The following CHODL variants were observed in gnomAD, a reference collection of about 807,000 sequenced individuals.
CHODL encodes transmembrane protein MT75.
A neutral mutation model predicts 34.5 loss-of-function variants in CHODL; 29 were observed. The observed-to-expected ratio is 0.84, with a 90% CI of 0.63 to 1.15. The LOEUF (loss-of-function observed/expected upper bound fraction) is 1.15, where lower values mean the gene tolerates loss of function less well. Among genes scored for constraint, CHODL ranks in the 50% most tolerant of loss-of-function variants. CHODL has a pLI of 0.00. For synonymous variants in CHODL, 125 were observed against 116.1 expected, an observed-to-expected ratio of 1.08 and a Z score of -0.49; for missense variants, 332 against 332.5, an observed-to-expected ratio of 1.00 and a Z score of 0.01.
chr21:18,045,751 T>C (rs930958593), intron 2 of CHODL, among the ~76,000 whole-genome samples: 1 of 151,944 alleles, frequency 6.6e-6, no homozygotes, highest in East Asian at 1.9e-4. Flanking sequence ...AGAGCACTTA[T>C]GAATGAACTA....
intron 1 of CHODL, among the ~76,000 whole-genome samples, chr21:18,248,525 T>C (rs1050400984): frequency 6.8e-6 from 1 of 146,384 alleles, no homozygotes; most frequent in Non-Finnish European, 1.5e-5. Context: ...TTTTGTTTTA[T>C]AACTCTTTCC....
intron 2 of CHODL, among the ~76,000 whole-genome samples, chr21:18,168,472 C>T (rs1425456223): frequency 6.6e-6 from 1 of 152,152 alleles, no homozygotes; most frequent in Non-Finnish European, 1.5e-5. Context: ...CATTCTAGTG[C>T]ATGTGAAGTG....
At chr21:18,184,387 G>A (rs1601118209) in intron 2 of CHODL, among the ~76,000 whole-genome samples, 1 of 152,044 alleles carries the variant, frequency 6.6e-6, no homozygotes, top group Non-Finnish European at 1.5e-5. Context: ...AGACTGATGA[G>A]GAATTTGAGA....
At chr21:18,015,045 T>C (rs1208938176) in intron 1 of CHODL, among the ~76,000 whole-genome samples, 2 of 152,168 alleles carry the variant, frequency 1.3e-5, no homozygotes, top group Non-Finnish European at 2.9e-5. Context: ...TCTTAGAGAC[T>C]GGTTAAATCG....
intron 1 of CHODL, among the ~76,000 whole-genome samples, chr21:18,003,244 G>A (rs1456660140): frequency 2.0e-5 from 3 of 151,540 alleles, no homozygotes; most frequent in Non-Finnish European, 4.4e-5. Context: ...TTGCTGCTCA[G>A]TACATGTCAA....
intron 2 of CHODL, among the ~76,000 whole-genome samples, chr21:18,126,366 G>C (rs1264324194): frequency 6.6e-6 from 1 of 152,148 alleles, no homozygotes; most frequent in Non-Finnish European, 1.5e-5. Flanking sequence ...ATAGACTATA[G>C]TGTACTGTAA....
At chr21:18,032,199 A>G (rs2064255654) in intron 2 of CHODL, among the ~76,000 whole-genome samples, 1 of 152,120 alleles carries the variant, frequency 6.6e-6, no homozygotes, top group Non-Finnish European at 1.5e-5. Flanking sequence ...GAAAATTGCT[A>G]GGAGAGTAGA....
At chr21:17,940,702 G>A (rs2103479) in intron 1 of CHODL, among the ~76,000 whole-genome samples, 47,906 of 152,028 alleles carry the variant, frequency 0.32, 7,725 homozygotes, top group South Asian at 0.44. Context: ...AAAAGAATGC[G>A]TAGCATGGTG....
intron 2 of CHODL, among the ~76,000 whole-genome samples, chr21:18,122,162 G>C (rs1441114461): frequency 6.6e-6 from 1 of 151,856 alleles, no homozygotes; most frequent in East Asian, 1.9e-4. Context: ...AGGCCTAAGT[G>C]ATTCCAGTTG....
chr21:18,010,677 G>GA (rs543403735), intron 1 of CHODL, among the ~76,000 whole-genome samples: 7 of 151,844 alleles, frequency 4.6e-5, no homozygotes, highest in Admixed American at 6.6e-5. Flanking sequence ...GTTATAACTA[G>GA]AAAAAAAATG....
At chr21:18,123,233 G>A (rs764796862) in intron 2 of CHODL, among the ~76,000 whole-genome samples, 11 of 152,124 alleles carry the variant, frequency 7.2e-5, no homozygotes, top group Admixed American at 1.3e-4. Flanking sequence ...TAAAAGTAAA[G>A]CCCAATATTA....
At chr21:18,204,472 AT>A (rs1477673351) in intron 2 of CHODL, among the ~76,000 whole-genome samples, 1 of 152,180 alleles carries the variant, frequency 6.6e-6, no homozygotes, top group African/African-American at 2.4e-5. Context: ...ATGGATGCTT[AT>A]CTCTAGGTCA....
intron 1 of CHODL, among the ~76,000 whole-genome samples, chr21:18,017,171 T>C (rs2064083133): frequency 6.6e-6 from 1 of 152,126 alleles, no homozygotes; most frequent in South Asian, 2.1e-4. Context: ...TGTTTTGAAA[T>C]GTGAGAAGGC....
intron 1 of CHODL, among the ~76,000 whole-genome samples, chr21:17,970,026 A>T (rs1245532035): frequency 3.3e-5 from 5 of 152,182 alleles, no homozygotes; most frequent in Non-Finnish European, 5.9e-5. Flanking sequence ...CCTGATTGAC[A>T]GGTGACATCT....
chr21:17,980,179 CT>C (rs2063702916), intron 1 of CHODL, among the ~76,000 whole-genome samples: 1 of 151,040 alleles, frequency 6.6e-6, no homozygotes, highest in South Asian at 2.1e-4. Flanking sequence ...TGGAAGACAG[CT>C]GTTTTAATGT....
At chr21:18,144,528 A>T (rs1249350674) in intron 2 of CHODL, among the ~76,000 whole-genome samples, 2 of 152,170 alleles carry the variant, frequency 1.3e-5, no homozygotes, top group African/African-American at 4.8e-5. Context: ...AAGCAATTTC[A>T]GTAAGTGCTT....
At position 17,966,971 on chromosome 21, in the gene CHODL, C is replaced by T. The variant is rs372394664; in HGVS notation, c.-145+49571C>T. Among the ~76,000 whole-genome samples the T allele has an allele frequency of 6.6e-5, 10 of 151,858 alleles. 1 individual carries two copies. The highest frequency in any genetic ancestry group is 1.3e-4 in the Admixed American group (2 of 15,256). On this transcript the variant is annotated intron_variant, in intron 1 of 6. Coordinates refer to the CHODL transcript ENST00000400127. ...CGCGATCTTGGCTCCCTGCAACCTC[C>T]GCATCCGGGTTCAAGTGATTCTTCT...
intron 1 of CHODL, among the ~76,000 whole-genome samples, chr21:17,988,969 G>A (rs1229559289): frequency 7.2e-5 from 11 of 152,036 alleles, no homozygotes; most frequent in Non-Finnish European, 1.3e-4. Context: ...CTGAGGAATC[G>A]CCACACTGAC....
intron 2 of CHODL, among the ~76,000 whole-genome samples, chr21:18,197,091 T>C (rs2146702341): frequency 6.6e-6 from 1 of 152,260 alleles, no homozygotes; most frequent in South Asian, 2.1e-4. Flanking sequence ...CATCAAAATA[T>C]TACATTTGAC....
Sources: gnomAD v4.1 joint callset for allele counts (sites outside exome capture counted in the v4.1 genomes callset) on GRCh38, gnomAD v4.1.1 for gene constraint, MANE v1.5 for transcripts, NCBI Gene and HGNC (gene_info 2026-07-23, HGNC 2026-07-21) for gene names.